Variants in ADGRV1 observed in about 807,000 individuals in gnomAD.
ADGRV1 encodes the protein G-protein coupled receptor 98.
ADGRV1 carries 359 observed loss-of-function variants against 596.2 expected under a neutral mutation model. The observed-to-expected ratio is 0.60, with a 90% confidence interval of 0.55 to 0.66. The LOEUF (loss-of-function observed/expected upper bound fraction) is 0.66. Among genes scored for constraint, ADGRV1 ranks in the 30% least tolerant of loss-of-function variants. The pLI, the probability that ADGRV1 is intolerant of heterozygous loss-of-function variation, is 0.00. For missense variants in ADGRV1, 7,274 were observed against 7,575.6 expected, an observed-to-expected ratio of 0.96 and a Z score of 1.48; for synonymous variants, 2,681 against 2,679.2, an observed-to-expected ratio of 1.00 and a Z score of -0.02.
At chr5:91,101,513 A>T (rs1387257891) in intron 86 of ADGRV1, among the ~76,000 whole-genome samples, 1 of 152,196 alleles carries the variant, frequency 6.6e-6, no homozygotes, top group African/African-American at 2.4e-5. Flanking sequence ...AAATATTAAG[A>T]TCGCCTCTAT....
chr5:90,725,735 G>GT (rs1751685133), intron 48 of ADGRV1, 79 bp downstream of exon 48: 1 of 828,134 alleles, frequency 1.2e-6, no homozygotes, highest in Admixed American at 2.3e-5. Context: ...CAAAGGTATG[G>GT]TCTGCTGGTT....
At chr5:91,029,944 A>T (rs1394057944) in intron 85 of ADGRV1, among the ~76,000 whole-genome samples, 1 of 152,146 alleles carries the variant, frequency 6.6e-6, no homozygotes, top group African/African-American at 2.4e-5. Context: ...ACACTTAGAT[A>T]TTCTATTCAT....
intron 80 of ADGRV1, among the ~76,000 whole-genome samples, chr5:90,853,787 A>G (rs141305750): frequency 1.1e-4 from 16 of 152,336 alleles, no homozygotes; most frequent in Non-Finnish European, 1.9e-4. Flanking sequence ...GCTTTAACTA[A>G]TATACTATTA....
chr5:90,795,109 T>TTC (rs1260687105), intron 70 of ADGRV1, among the ~76,000 whole-genome samples: 1 of 147,916 alleles, frequency 6.8e-6, no homozygotes, highest in Non-Finnish European at 1.5e-5. Context: ...TTTTTTTTTT[T>TTC]CCCTTACCTC....
At chr5:90,938,099 A>T (rs931184983) in intron 83 of ADGRV1, among the ~76,000 whole-genome samples, 1 of 152,040 alleles carries the variant, frequency 6.6e-6, no homozygotes, top group Non-Finnish European at 1.5e-5. Flanking sequence ...TTATTTTTTT[A>T]ATCCATCATT....
intron 82 of ADGRV1, among the ~76,000 whole-genome samples, chr5:90,859,019 A>G (rs983353585): frequency 6.6e-6 from 1 of 152,202 alleles, no homozygotes; most frequent in Admixed American, 6.5e-5. Flanking sequence ...TGTGTCTTGG[A>G]GAAGATCCAG....
chr5:90,934,592 C>T (rs1775522853), intron 83 of ADGRV1, among the ~76,000 whole-genome samples: 1 of 152,128 alleles, frequency 6.6e-6, no homozygotes, highest in Non-Finnish European at 1.5e-5. Flanking sequence ...GGTATCATGT[C>T]ACCTTTTGAA....
Position 90,807,953 on chromosome 5 carries a change from A to G in ADGRV1, c.14972+216A>G, listed in dbSNP as rs75780042. On this transcript the variant is annotated intron_variant, in intron 73 of 89. Coordinates refer to ENST00000405460, the MANE Select transcript of ADGRV1 (RefSeq NM_032119.4). Reference sequence around the variant, plus strand: ...CTCTAAAGAGAGCTCCTCATGCCCCACCTTGAGAATGGGGTCTGGGGTACC... The same window carrying G: ...CTCTAAAGAGAGCTCCTCATGCCCCGCCTTGAGAATGGGGTCTGGGGTACC... Among the ~76,000 whole-genome samples the G allele has an allele frequency of 0.017, 2,643 of 152,232 alleles. 84 individuals carry two copies. The highest frequency in any genetic ancestry group is 0.061 in the African/African-American group (2,517 of 41,540).
At chr5:90,820,468 G>A (rs1763373003) in intron 75 of ADGRV1, among the ~76,000 whole-genome samples, 1 of 151,546 alleles carries the variant, frequency 6.6e-6, no homozygotes, top group African/African-American at 2.4e-5. Context: ...TATGATGTTA[G>A]GGGTGATTTT....
intron 49 of ADGRV1, 70 bp downstream of exon 49, chr5:90,729,003 TA>T: frequency 9.4e-7 from 1 of 1,068,016 alleles, no homozygotes; most frequent in Non-Finnish European, 1.3e-6. Context: ...TGGTATATTT[TA>T]TATGAAAATG....
rs778753290 is a variant in ADGRV1 at position 91,161,655 on chromosome 5, GTGTT to G, written c.18803-2122_18803-2119del. On this transcript the variant is annotated intron_variant, in intron 89 of 89. Transcript: ENST00000405460. Reference sequence around the variant, plus strand: ...GGTTCTTGAAGAAAGGAGTTTATGAGTGTTTGTTAAGCATTTTGCTTTATGGCTT... The same window carrying G: ...GGTTCTTGAAGAAAGGAGTTTATGAGTGTTAAGCATTTTGCTTTATGGCTT... Among the ~76,000 whole-genome samples the G allele has an allele frequency of 4.5e-4, 69 of 151,926 alleles. 2 individuals are homozygous for G. Among genetic ancestry groups the G allele is most frequent in the Non-Finnish European group, 1.5e-4 (10 of 67,986 alleles).
At chr5:91,102,002 C>T (rs1015529590) in intron 86 of ADGRV1, among the ~76,000 whole-genome samples, 37 of 152,116 alleles carry the variant, frequency 2.4e-4, no homozygotes, top group African/African-American at 8.9e-4. Context: ...TTCTCATCCT[C>T]CCCCAGCCAT....
At chr5:90,607,608 A>G (rs1348808010) in intron 1 of ADGRV1, among the ~76,000 whole-genome samples, 1 of 152,142 alleles carries the variant, frequency 6.6e-6, no homozygotes, top group Non-Finnish European at 1.5e-5. Context: ...AGGTGGGAGA[A>G]TGGAAGATTC....
intron 79 of ADGRV1, among the ~76,000 whole-genome samples, chr5:90,851,853 T>C (rs922941858): frequency 1.3e-4 from 20 of 152,192 alleles, no homozygotes; most frequent in African/African-American, 4.8e-4. Context: ...GTTCTTAGTT[T>C]GACAAGATAA....
intron 58 of ADGRV1, among the ~76,000 whole-genome samples, chr5:90,760,911 T>C (rs1258445193): frequency 6.6e-6 from 1 of 152,254 alleles, no homozygotes; most frequent in African/African-American, 2.4e-5. Flanking sequence ...TATTACATGA[T>C]AACTATGACA....
Position 90,653,444 on chromosome 5 carries a change from T to C in ADGRV1, c.3870T>C (p.Ser1290=). ...DVQLGWEILS[S]EFPAGLPPMI... is the part of the protein sequence containing the mutation. ...AACTGGGCTGGGAAATACTGTCCAG[T>C]GAGTTCCCTGCTGGTTTGCCACCAA... is the stretch of plus-strand genomic sequence containing the variant. The change falls in exon 20 of 90, where the codon AGT becomes AGC. Residue 1290 remains serine (S), a synonymous_variant. Coordinates refer to ENST00000405460, the MANE Select transcript of ADGRV1 (RefSeq NM_032119.4). 2.5e-6 allele frequency: 4 copies of C among 1,613,924 alleles called. No homozygotes were observed. The highest frequency in any genetic ancestry group is 3.4e-6 in the Non-Finnish European group (4 of 1,179,878).
At chr5:90,708,984 G>A (rs1748974058) in intron 39 of ADGRV1, 75 bp downstream of exon 39, 2 of 961,832 alleles carry the variant, frequency 2.1e-6, no homozygotes, top group African/African-American at 1.6e-5. Context: ...TGAATCAGAA[G>A]TGATCATTGT....
chr5:90,651,503 A>G, intron 17 of ADGRV1, 101 bp from the exon 18 acceptor site: 1 of 1,057,038 alleles, frequency 9.5e-7, no homozygotes, highest in Non-Finnish European at 1.3e-6. Context: ...ATTCTTGCTG[A>G]AATTTTCAAC....
chr5:90,600,326 C>A (rs617379), intron 1 of ADGRV1, among the ~76,000 whole-genome samples: 5 of 151,944 alleles, frequency 3.3e-5, no homozygotes, highest in Admixed American at 6.6e-5. Flanking sequence ...CACAACAGGC[C>A]TTGGGGTGTG....
Sources: gnomAD v4.1 joint callset for allele counts (sites outside exome capture counted in the v4.1 genomes callset) on GRCh38, gnomAD v4.1.1 for gene constraint, MANE v1.5 for transcripts, NCBI Gene and HGNC (gene_info 2026-07-23, HGNC 2026-07-21) for gene names.